The following FAM53A variants were observed in gnomAD, a reference collection of about 807,000 sequenced individuals.
FAM53A encodes the protein protein FAM53A.
A neutral mutation model predicts 26.6 loss-of-function variants in FAM53A; 28 were observed. The observed-to-expected ratio is 1.05, with a 90% confidence interval of 0.78 to 1.45. The LOEUF (loss-of-function observed/expected upper bound fraction) is 1.45. Among genes scored for constraint, FAM53A ranks in the 40% most tolerant of loss-of-function variants. The pLI, the probability that FAM53A is intolerant of heterozygous loss-of-function variation, is 0.00. For synonymous variants in FAM53A, 290 were observed against 253.1 expected, an observed-to-expected ratio of 1.15 and a Z score of -1.38; for missense variants, 650 against 575.8, an observed-to-expected ratio of 1.13 and a Z score of -1.32.
intron 4 of FAM53A, among the ~76,000 whole-genome samples, chr4:1,650,743 G>A (rs531561127): frequency 4.0e-5 from 6 of 149,220 alleles, no homozygotes; most frequent in South Asian, 4.3e-4. Context: ...TGATCCACCC[G>A]CCTCAGCCTC....
chr4:1,607,579 C>A, the FAM53A span, among the ~76,000 whole-genome samples: 2 of 151,068 alleles, frequency 1.3e-5, no homozygotes, highest in Non-Finnish European at 3.0e-5. Flanking sequence ...AGTGAGGCCG[C>A]CCCCCCACCA....
Position 1,668,764 on chromosome 4 carries a change from T to C in FAM53A, c.-23A>G. 1 of 1,612,932 alleles carries C rather than the reference T, an allele frequency of 6.2e-7. No individual in the cohort carries two copies. Among genetic ancestry groups the C allele is most frequent in the Non-Finnish European group, 8.5e-7 (1 of 1,178,984 alleles). ...CATGGTCGGGGCCCCGTGTCCTCCG[T>C]CCACACCAACAGGCACTGGAGTCCT... is the stretch of plus-strand genomic sequence containing the variant. On this transcript the variant is annotated 5_prime_UTR_variant, in exon 2 of 5. Transcript: ENST00000308132.
intron 2 of FAM53A, among the ~76,000 whole-genome samples, chr4:1,663,140 C>G (rs1314944434): frequency 6.6e-6 from 1 of 151,260 alleles, no homozygotes; most frequent in Admixed American, 6.6e-5. Context: ...CAGAGTGAGC[C>G]GAGATCGCGC....
chr4:1,638,835 T>C (rs899415338), downstream of FAM53A, among the ~76,000 whole-genome samples: 1 of 152,206 alleles, frequency 6.6e-6, no homozygotes, highest in African/African-American at 2.4e-5. Context: ...TGAAGGGGAC[T>C]CAGGTAGCGA....
chr4:1,669,867 C>G (rs746875395), intron 1 of FAM53A, among the ~76,000 whole-genome samples: 1 of 152,216 alleles, frequency 6.6e-6, no homozygotes, highest in East Asian at 1.9e-4. Context: ...ACAGCAGTGA[C>G]GGAACGTCCA....
downstream of FAM53A, among the ~76,000 whole-genome samples, chr4:1,637,023 C>T (rs1391724012): frequency 1.3e-5 from 2 of 152,202 alleles, no homozygotes; most frequent in Admixed American, 6.5e-5. Context: ...ACAAGGAGCT[C>T]CCGCTGCACC....
intron 1 of FAM53A, among the ~76,000 whole-genome samples, chr4:1,629,853 C>G (rs1229562185): frequency 6.6e-6 from 1 of 152,156 alleles, no homozygotes; most frequent in Admixed American, 6.5e-5. Context: ...TCTCTGTGGC[C>G]AGAGGGCTGG....
At chr4:1,668,028 G>C (rs571004692) in intron 2 of FAM53A, among the ~76,000 whole-genome samples, 1 of 152,346 alleles carries the variant, frequency 6.6e-6, no homozygotes, top group Non-Finnish European at 1.5e-5. Context: ...GGAGCCTGGC[G>C]GGGTGCAGTC....
intron 1 of FAM53A, among the ~76,000 whole-genome samples, chr4:1,626,495 G>A (rs1045001485): frequency 4.0e-5 from 6 of 151,510 alleles, no homozygotes; most frequent in Non-Finnish European, 8.9e-5. Context: ...CTGAGCCCGG[G>A]GGGACCAGGG....
At chr4:1,678,083 C>T (rs116087561) in intron 1 of FAM53A, among the ~76,000 whole-genome samples, 1,664 of 152,280 alleles carry the variant, frequency 0.011, 30 homozygotes, top group African/African-American at 0.038. Flanking sequence ...TCATCAAGAC[C>T]GTGTGTGCCC....
chr4:1,684,909 C>A (rs1274518407), upstream of FAM53A, among the ~76,000 whole-genome samples: 8 of 152,206 alleles, frequency 5.3e-5, no homozygotes, highest in Non-Finnish European at 1.0e-4. Flanking sequence ...TGGTTCCGTC[C>A]GAGCACAGCA....
In FAM53A at chr4:1,684,248, G is replaced by T. The variant is rs1195373599; in HGVS notation, c.-180C>A. The T allele has an allele frequency of 1.3e-5, 2 of 151,356 alleles. No individual in the cohort carries two copies. The highest frequency in any genetic ancestry group is 1.5e-5 in the Non-Finnish European group (1 of 67,690). The allele number at this position is 151,356 out of a possible 1,614,324, so 9.4% of individuals were successfully genotyped here. A position where few individuals can be genotyped will look rare whatever the true frequency, so the allele number is the denominator to read the frequency against. Reference sequence around the variant, plus strand: ...GGCTCGGTACCTGAGCGCGGCCGCGGGGGTGCGGAGCGAGAAGACTGCCGG... The same window carrying T: ...GGCTCGGTACCTGAGCGCGGCCGCGTGGGTGCGGAGCGAGAAGACTGCCGG... On this transcript the variant is annotated 5_prime_UTR_variant, in exon 1 of 5. Transcript: ENST00000308132.
downstream of FAM53A, among the ~76,000 whole-genome samples, chr4:1,638,249 C>T (rs537140589): frequency 6.6e-5 from 10 of 152,264 alleles, no homozygotes; most frequent in South Asian, 2.1e-3. Context: ...AAAATACAGC[C>T]CTGGGGACAA....
intron 1 of FAM53A, among the ~76,000 whole-genome samples, chr4:1,678,141 G>A (rs1715167406): frequency 6.6e-6 from 1 of 151,922 alleles, no homozygotes; most frequent in African/African-American, 2.4e-5. Flanking sequence ...GAAGGCTTGG[G>A]CCCAGGAGTT....
chr4:1,633,057 C>T (rs28499216), intron 1 of FAM53A, among the ~76,000 whole-genome samples: 27 of 142,056 alleles, frequency 1.9e-4, no homozygotes, highest in African/African-American at 7.4e-4. Context: ...CATGCTCATG[C>T]GCACACACAT....
chr4:1,599,602 G>T, the FAM53A span, among the ~76,000 whole-genome samples: 4 of 152,104 alleles, frequency 2.6e-5, no homozygotes, highest in East Asian at 7.7e-4. The surrounding 1 kb of genome is among the most constrained non-coding windows in gnomAD (Gnocchi z 6.1). Flanking sequence ...CAGCCCGGGG[G>T]ACCAGAGCAC....
chr4:1,655,707 C>G lies in FAM53A; in HGVS notation c.153G>C (p.Lys51Asn). Residue 51 changes from lysine to asparagine, a missense_variant, in exon 4 of 5, where the codon AAG (lysine) becomes AAC (asparagine). Transcript: ENST00000308132. ...TGACGGGCGGTCCTCCACTGAAGAC[C>G]TTCCAGGGACTCTGGTCTACAAAAA... is the stretch of plus-strand genomic sequence containing the variant. ...PLELNDQSPW[K>N]VFSGGPPVRS... is the part of the protein sequence containing the mutation. The G allele has an allele frequency of 6.3e-7, 1 of 1,577,896 alleles. No homozygotes were observed. Among genetic ancestry groups the G allele is most frequent in the African/African-American group, 1.4e-5 (1 of 73,574 alleles).
chr4:1,650,331 CTG>C (rs1192032865), intron 4 of FAM53A, among the ~76,000 whole-genome samples: 6 of 136,914 alleles, frequency 4.4e-5, no homozygotes, highest in East Asian at 2.2e-4. Context: ...TAGTGTTTGA[CTG>C]TGAGGTGGCA....
Position 1,641,345 on chromosome 4 carries a change from A to G in FAM53A, c.1145T>C (p.Val382Ala). 1 of 1,611,090 alleles carries G rather than the reference A, an allele frequency of 6.2e-7. No individual in the cohort carries two copies. The highest frequency in any genetic ancestry group is 8.5e-7 in the Non-Finnish European group (1 of 1,179,272). The part of the protein sequence containing the change: ...RDGDSVGEEG[V>A]FPRARWELDL... Reference sequence around the variant, plus strand: ...CAGCTCCCAGCGGGCCCGGGGGAAGACGCCCTCCTCCCCGACACTGTCCCC... The same window carrying G: ...CAGCTCCCAGCGGGCCCGGGGGAAGGCGCCCTCCTCCCCGACACTGTCCCC... The change falls in exon 5 of 5, where the codon GTC (valine) becomes GCC (alanine). Residue 382 changes from valine to alanine, a missense_variant. Transcript: ENST00000308132.
Sources: gnomAD v4.1 joint callset for allele counts (sites outside exome capture counted in the v4.1 genomes callset) on GRCh38, gnomAD v4.1.1 for gene constraint, Gnocchi (gnomAD v3.1) non-coding constraint, MANE v1.5 for transcripts, NCBI Gene and HGNC (gene_info 2026-07-23, HGNC 2026-07-21) for gene names.